Variants in ARK2C observed in about 807,000 individuals in gnomAD.
ARK2C encodes arkadia (RNF111) C-terminal like ring finger ubiquitin ligase 2C.
the ARK2C span, chr18:46,334,251 G>A: frequency 4.8e-6 from 7 of 1,462,936 alleles, no homozygotes; most frequent in Non-Finnish European, 5.4e-6. This position sits in a 1 kb window ranked among gnomAD's most constrained non-coding sequence, Gnocchi z 4.4. Flanking sequence ...AGCCGCCGCC[G>A]CCGCCGCCGC....
the ARK2C span, chr18:46,460,559 C>T: frequency 6.6e-6 from 1 of 152,318 alleles, no homozygotes; most frequent in East Asian, 1.9e-4. Flanking sequence ...AGAAAGGATA[C>T]TAATTTTTTT....
At chr18:46,358,870 T>C in the ARK2C span, among the ~76,000 whole-genome samples, 1 of 152,144 alleles carries the variant, frequency 6.6e-6, no homozygotes, top group Non-Finnish European at 1.5e-5. Flanking sequence ...TCACAAGAAA[T>C]GTGCTTTTGA....
the ARK2C span, among the ~76,000 whole-genome samples, chr18:46,389,989 A>T: frequency 5.9e-5 from 9 of 152,140 alleles, no homozygotes; most frequent in Non-Finnish European, 1.0e-4. Flanking sequence ...TGGCCTCCCA[A>T]AGTGCTTGGA....
At chr18:46,360,354 G>T in the ARK2C span, among the ~76,000 whole-genome samples, 1 of 152,218 alleles carries the variant, frequency 6.6e-6, no homozygotes, top group South Asian at 2.1e-4. Context: ...AACAGTGCAG[G>T]TGCTCCCCAC....
the ARK2C span, among the ~76,000 whole-genome samples, chr18:46,352,367 A>C: frequency 1.3e-5 from 2 of 152,134 alleles, no homozygotes; most frequent in African/African-American, 4.8e-5. Context: ...TCCCAAGCTT[A>C]TTTCATGTGG....
the ARK2C span, among the ~76,000 whole-genome samples, chr18:46,376,913 C>T: frequency 6.6e-6 from 1 of 152,196 alleles, no homozygotes; most frequent in Non-Finnish European, 1.5e-5. Flanking sequence ...CGCGATCTGC[C>T]CGCCTCGGCA....
the ARK2C span, among the ~76,000 whole-genome samples, chr18:46,450,006 C>T: frequency 2.0e-5 from 3 of 152,056 alleles, no homozygotes; most frequent in Non-Finnish European, 4.4e-5. Context: ...GTAATAGCAC[C>T]CACATTATAG....
the ARK2C span, among the ~76,000 whole-genome samples, chr18:46,360,368 G>A: frequency 2.6e-5 from 4 of 152,168 alleles, no homozygotes; most frequent in African/African-American, 9.7e-5. Context: ...TCCCCACAAT[G>A]GTGCTCAAAA....
At chr18:46,453,168 T>C in the ARK2C span, among the ~76,000 whole-genome samples, 2 of 152,206 alleles carry the variant, frequency 1.3e-5, no homozygotes, top group African/African-American at 4.8e-5. Context: ...ACCGCAGTTA[T>C]TGAGTACCTA....
the ARK2C span, among the ~76,000 whole-genome samples, chr18:46,402,731 G>A: frequency 6.6e-6 from 1 of 152,090 alleles, no homozygotes; most frequent in Non-Finnish European, 1.5e-5. Flanking sequence ...AAACTCCTGG[G>A]CTCAAATGAT....
chr18:46,407,055 C>T, the ARK2C span, among the ~76,000 whole-genome samples: 631 of 152,326 alleles, frequency 4.1e-3, 6 homozygotes, highest in African/African-American at 0.015. Context: ...ACTTTTGCCT[C>T]GGCCTCTACC....
At chr18:46,363,928 T>C in the ARK2C span, among the ~76,000 whole-genome samples, 1 of 150,662 alleles carries the variant, frequency 6.6e-6, no homozygotes, top group South Asian at 2.1e-4. Flanking sequence ...CTTTTCTTTT[T>C]TTTTCTTTTT....
At chr18:46,344,673 C>A in the ARK2C span, among the ~76,000 whole-genome samples, 1 of 152,082 alleles carries the variant, frequency 6.6e-6, no homozygotes, top group Non-Finnish European at 1.5e-5. Context: ...GGGGAAGGGA[C>A]CATACCTGCC....
At chr18:46,409,813 A>G in the ARK2C span, among the ~76,000 whole-genome samples, 2 of 152,208 alleles carry the variant, frequency 1.3e-5, no homozygotes. Context: ...ATTCTTTCTC[A>G]TAACTGCACA....
chr18:46,383,756 G>A, the ARK2C span, among the ~76,000 whole-genome samples: 69 of 152,026 alleles, frequency 4.5e-4, no homozygotes, highest in East Asian at 3.5e-3. Context: ...GGGTTTCACC[G>A]TGTTGGCCAG....
chr18:46,459,958 G>A, the ARK2C span: 1 of 152,638 alleles, frequency 6.6e-6, no homozygotes, highest in Non-Finnish European at 1.5e-5. Flanking sequence ...GCCGCCGCGG[G>A]TCCACCGAGG....
At chr18:46,368,612 A>G in the ARK2C span, among the ~76,000 whole-genome samples, 42 of 152,306 alleles carry the variant, frequency 2.8e-4, no homozygotes, top group East Asian at 2.9e-3. Context: ...GGACAGCTCT[A>G]TGGAGTCGAG....
At chr18:46,448,648 C>T in the ARK2C span, among the ~76,000 whole-genome samples, 123 of 152,316 alleles carry the variant, frequency 8.1e-4, no homozygotes, top group Non-Finnish European at 1.5e-3. Flanking sequence ...GAGATCCCAG[C>T]GGGAGCTCTT....
chr18:46,375,444 C>A, the ARK2C span, among the ~76,000 whole-genome samples: 2 of 151,958 alleles, frequency 1.3e-5, no homozygotes, highest in African/African-American at 4.8e-5. Flanking sequence ...ATCCTAGCTA[C>A]TCAGGAGGCT....
Sources: gnomAD v4.1 joint callset for allele counts (sites outside exome capture counted in the v4.1 genomes callset) on GRCh38, gnomAD v4.1.1 for gene constraint, Gnocchi (gnomAD v3.1) non-coding constraint, MANE v1.5 for transcripts, NCBI Gene and HGNC (gene_info 2026-07-23, HGNC 2026-07-21) for gene names.